The following COL6A3 variants were observed in gnomAD, a reference collection of about 807,000 sequenced individuals.
COL6A3 encodes the protein collagen alpha-3(VI) chain.
A neutral mutation model predicts 274.1 loss-of-function variants in COL6A3; 137 were observed. The observed-to-expected ratio is 0.50, with a 90% CI of 0.44 to 0.58. The LOEUF is 0.58. Among genes scored for constraint, COL6A3 ranks in the 20% least tolerant of loss-of-function variants. The probability of loss-of-function intolerance (pLI) is 0.00; values close to 1 mark genes in which losing one functional copy is unlikely to be tolerated. For synonymous variants in COL6A3, 1,650 were observed against 1,650.6 expected, an observed-to-expected ratio of 1.00 and a Z score of 0.01; for missense variants, 3,950 against 4,124.9, an observed-to-expected ratio of 0.96 and a Z score of 1.16.
At chr2:237,339,579 G>C (rs1051734117) in intron 38 of COL6A3, among the ~76,000 whole-genome samples, 11 of 152,164 alleles carry the variant, frequency 7.2e-5, no homozygotes, top group Admixed American at 1.3e-4. Context: ...ATTTTTCTTT[G>C]AATCTTTTGG....
rs759479369 is a variant in COL6A3, at chr2:237,344,433, C to A, written c.7585G>T (p.Ala2529Ser). Residue 2529 changes from alanine (A) to serine (S), a missense_variant, in exon 36 of 44, where the codon GCT (alanine) becomes TCT (serine). By Grantham distance (99) the Ala-to-Ser change is moderately conservative (BLOSUM62 1). This residue lies in a region of COL6A3 where 1,284 missense variants were observed against 1,349.7 expected (regional missense o/e 0.95). Coordinates refer to ENST00000295550, the MANE Select transcript of COL6A3 (RefSeq NM_004369.4). The surrounding 1 kb of genome is among the most constrained non-coding windows in gnomAD (Gnocchi z 4.8). Reference protein sequence around the residue: ...PTRASPQLREAVLKLSDAGIT... With the variant: ...PTRASPQLRESVLKLSDAGIT... Reference sequence around the variant, plus strand: ...CCCGCATCTGAGAGCTTGAGCACAGCCTCTCTGAGCTGTGGGGATGCTCTT... The same window carrying A: ...CCCGCATCTGAGAGCTTGAGCACAGACTCTCTGAGCTGTGGGGATGCTCTT... 1 of 1,614,188 alleles carries A rather than the reference C, an allele frequency of 6.2e-7. No individual in the cohort carries two copies. The highest frequency in any genetic ancestry group is 1.1e-5 in the South Asian group (1 of 91,084).
In COL6A3 at chr2:237,340,673, G is replaced by A. The variant is rs115595706; in HGVS notation, c.8243C>T (p.Pro2748Leu). Residue 2748 changes from proline (P) to leucine (L), a missense_variant, in exon 38 of 44, where the codon CCG becomes CTG. By Grantham distance (98) the Pro-to-Leu change is moderately conservative. This residue lies in a region of COL6A3 where 1,284 missense variants were observed against 1,349.7 expected (regional missense o/e 0.95). Transcript: ENST00000295550. ...IVVLMLTGEV[P>L]EQQLEEAQRV... ...CTGGGCCTCCTCCAGCTGCTGCTCC[G>A]GCACCTCGCCCGTCAGCATCAGGAC... 1.7e-4 allele frequency: 279 copies of A among 1,614,124 alleles called. 1 individual carries two copies. Among genetic ancestry groups the A allele is most frequent in the African/African-American group, 3.9e-4 (29 of 75,044 alleles).
At chr2:237,381,976 G>T (rs908922189) in intron 4 of COL6A3, among the ~76,000 whole-genome samples, 2 of 152,164 alleles carry the variant, frequency 1.3e-5, no homozygotes, top group African/African-American at 4.8e-5. Flanking sequence ...GTTCTCTTCA[G>T]TTCTATATTC....
intron 1 of COL6A3, among the ~76,000 whole-genome samples, chr2:237,400,027 C>T (rs116798457): frequency 0.024 from 3,667 of 152,252 alleles, 142 homozygotes; most frequent in African/African-American, 0.085. Context: ...TATTGAGTTT[C>T]AGGAAGAATT....
chr2:237,353,468 C>A, intron 24 of COL6A3, 65 bp from the exon 25 acceptor site: 1 of 1,419,550 alleles, frequency 7.0e-7, no homozygotes, highest in East Asian at 2.3e-5. Flanking sequence ...GCTCTTTGCT[C>A]TACAGTCATT....
At position 237,376,761 on chromosome 2, in the gene COL6A3, C is replaced by A; in HGVS notation, c.3070+11G>T. The A allele has an allele frequency of 6.2e-7, 1 of 1,614,040 alleles. No individual in the cohort carries two copies. Among genetic ancestry groups the A allele is most frequent in the South Asian group, 1.1e-5 (1 of 91,064 alleles). On this transcript the variant is annotated intron_variant, in intron 7 of 43. Transcript: ENST00000295550. Reference sequence around the variant, plus strand: ...CTGAGTGGCAGAGCAACTAGCATTTCTCTACCATACCTGGTGCTGGTGCTC... The same window carrying A: ...CTGAGTGGCAGAGCAACTAGCATTTATCTACCATACCTGGTGCTGGTGCTC...
At chr2:237,357,911 G>GC in intron 21 of COL6A3, 29 bp from the exon 22 acceptor site, 1 of 1,602,938 alleles carries the variant, frequency 6.2e-7, no homozygotes, top group Non-Finnish European at 8.5e-7. Flanking sequence ...AGGGAAATGA[G>GC]CCACATATGG....
At position 237,387,858 on chromosome 2, in the gene COL6A3, C is replaced by T; in HGVS notation, c.1036G>A (p.Val346Ile). Residue 346 changes from valine to isoleucine, a missense_variant, in exon 4 of 44, where the codon GTT (valine) becomes ATT (isoleucine). This residue lies in a region of COL6A3 where 1,934 missense variants were observed against 1,984.3 expected (regional missense o/e 0.97). Coordinates refer to ENST00000295550, the MANE Select transcript of COL6A3 (RefSeq NM_004369.4). ...RAGGSRVEEG[V>I]PQVLVLISAG... ...CTTATGAGGACCAGCACCTGGGGAACCCCTTCCTCCACGCGGCTGCCCCCT... is the reference window on the plus strand; with the variant it reads ...CTTATGAGGACCAGCACCTGGGGAATCCCTTCCTCCACGCGGCTGCCCCCT... 1.2e-6 allele frequency: 2 copies of T among 1,614,174 alleles called. No homozygotes were observed. Among genetic ancestry groups the T allele is most frequent in the East Asian group, 2.2e-5 (1 of 44,874 alleles).
chr2:237,361,700 A>G lies in COL6A3; in HGVS notation c.6156+39T>C. The G allele has an allele frequency of 1.3e-6, 2 of 1,552,228 alleles. No individual in the cohort carries two copies. The highest frequency in any genetic ancestry group is 1.8e-6 in the Non-Finnish European group (2 of 1,123,444). On this transcript the variant is annotated intron_variant, in intron 15 of 43. Coordinates refer to ENST00000295550, the MANE Select transcript of COL6A3 (RefSeq NM_004369.4). The surrounding 1 kb of genome is among the most constrained non-coding windows in gnomAD (Gnocchi z 5.1). ...ACCAAAGTAATGTCGGGCTTCTGAC[A>G]CCTCATCTCAGGCGTGGGCAAGGGT...
At position 237,414,010 on chromosome 2, in the gene COL6A3, T is replaced by C. The variant is rs912938756; in HGVS notation, c.-88A>G. On this transcript the variant is annotated 5_prime_UTR_variant, in exon 1 of 44. Transcript: ENST00000295550. Reference sequence around the variant, plus strand: ...GCTCCTCGATTCAATTAGGTTTGAATAGGATGCATACTTTTCCCACTCACT... The same window carrying C: ...GCTCCTCGATTCAATTAGGTTTGAACAGGATGCATACTTTTCCCACTCACT... The C allele has an allele frequency of 6.6e-6, 1 of 152,228 alleles. No homozygotes were observed. The highest frequency in any genetic ancestry group is 1.9e-4 in the East Asian group (1 of 5,190). The allele number at this position is 152,228 out of a possible 1,614,324, so 9.4% of individuals were successfully genotyped here.
In COL6A3 at chr2:237,344,233, TG is replaced by T; in HGVS notation, c.7668+116del. 1.3e-6 allele frequency: 2 copies of T among 1,502,264 alleles called. No homozygotes were observed. Among genetic ancestry groups the T allele is most frequent in the South Asian group, 1.1e-5 (1 of 88,308 alleles). The allele number at this position is 1,502,264 out of a possible 1,614,324, so 93.1% of individuals were successfully genotyped here. On this transcript the variant is annotated intron_variant, in intron 36 of 43. Coordinates refer to ENST00000295550, the MANE Select transcript of COL6A3 (RefSeq NM_004369.4). The surrounding 1 kb of genome is among the most constrained non-coding windows in gnomAD (Gnocchi z 4.8). ...GAAGTTCTCAGGCAGATGGCCTCATTGGGGACGTTTTAGGAGCTATGGGACA... is the reference window on the plus strand; with the variant it reads ...GAAGTTCTCAGGCAGATGGCCTCATTGGGACGTTTTAGGAGCTATGGGACA...
At chr2:237,353,082 AAG>A (rs973576859) in intron 25 of COL6A3, among the ~76,000 whole-genome samples, 1 of 152,152 alleles carries the variant, frequency 6.6e-6, no homozygotes, top group Non-Finnish European at 1.5e-5. Context: ...CAAATCCATA[AAG>A]AGAGAGAGAT....
At chr2:237,394,453 G>GT in intron 3 of COL6A3, 134 bp downstream of exon 3, 1 of 1,121,062 alleles carries the variant, frequency 8.9e-7, no homozygotes, top group Non-Finnish European at 1.3e-6. Context: ...TCAAACCTTT[G>GT]TTTTTAAACC....
At chr2:237,389,816 G>A (rs1264523116) in intron 3 of COL6A3, among the ~76,000 whole-genome samples, 2 of 152,220 alleles carry the variant, frequency 1.3e-5, no homozygotes, top group East Asian at 3.8e-4. Flanking sequence ...TAGGATAATT[G>A]TTGTGCTACA....
At position 237,344,988 on chromosome 2, in the gene COL6A3, C is replaced by T. The variant is rs370148505; in HGVS notation, c.7163-36G>A. The T allele has an allele frequency of 5.5e-5, 89 of 1,614,198 alleles. 1 individual carries two copies. In the East Asian group the frequency reaches 1.1e-3, roughly 21 times the overall value. On this transcript the variant is annotated intron_variant, in intron 34 of 43. Transcript: ENST00000295550. This position sits in a 1 kb window ranked among gnomAD's most constrained non-coding sequence, Gnocchi z 4.8. Reference sequence around the variant, plus strand: ...AGCAAAGAGAAGAAAGGGTGAGAGACTACTCTACCATGTGAGAATTTCGAA... The same window carrying T: ...AGCAAAGAGAAGAAAGGGTGAGAGATTACTCTACCATGTGAGAATTTCGAA...
At position 237,365,833 on chromosome 2, in the gene COL6A3, A is replaced by G; in HGVS notation, c.5703T>C (p.Phe1901=). Residue 1901 remains phenylalanine (F), a synonymous_variant, in exon 12 of 44, where the codon TTT becomes TTC. Transcript: ENST00000295550. ...ANTPSGPVEA[F]DFDEYQPEML... The stretch of plus-strand genomic sequence containing the variant: ...TCTCTGGCTGGTACTCGTCAAAGTC[A>G]AAGGCCTCCACCGGGCCCGAGGGCG... The G allele has an allele frequency of 6.2e-7, 1 of 1,614,182 alleles. No individual in the cohort carries two copies. Among genetic ancestry groups the G allele is most frequent in the Middle Eastern group, 1.6e-4 (1 of 6,062 alleles).
At chr2:237,363,819 T>C (rs141889145) in intron 13 of COL6A3, among the ~76,000 whole-genome samples, 5 of 152,352 alleles carry the variant, frequency 3.3e-5, no homozygotes, top group Admixed American at 6.5e-5. Context: ...ACTTCTGTAA[T>C]GGCATCCACT....
At chr2:237,331,533 C>A (rs766627624) in intron 42 of COL6A3, among the ~76,000 whole-genome samples, 2 of 152,050 alleles carry the variant, frequency 1.3e-5, no homozygotes, top group African/African-American at 2.4e-5. Flanking sequence ...GTTGCCATTA[C>A]TGTCAGTGGC....
rs1410080901 is a variant in COL6A3, at chr2:237,377,047, G to A, written c.2795C>T (p.Ala932Val). ...YAQRYIFVKS[A>V]GSRIEDGVLQ... ...CACTCCATCCTCGATCCGGCTGCCA[G>A]CAGACTTCACAAAAATGTACCTCTG... The change falls in exon 7 of 44, where the codon GCT (alanine) becomes GTT (valine). Residue 932 changes from alanine to valine, a missense_variant. Physicochemically the swap from Ala to Val is moderately conservative, Grantham distance 64. Transcript: ENST00000295550. 6.2e-7 allele frequency: 1 copy of A among 1,614,210 alleles called. No homozygotes were observed. The highest frequency in any genetic ancestry group is 8.5e-7 in the Non-Finnish European group (1 of 1,180,044).
Sources: allele counts gnomAD v4.1 joint callset (sites outside exome capture counted in the v4.1 genomes callset), GRCh38; gene constraint gnomAD v4.1.1; regional missense constraint gnomAD v4.1.1; non-coding constraint Gnocchi (gnomAD v3.1); transcripts MANE v1.5; gene names NCBI Gene and HGNC (gene_info 2026-07-23, HGNC 2026-07-21).